Variants in LRSAM1 observed in about 807,000 individuals in gnomAD.
The protein encoded by LRSAM1 is E3 ubiquitin-protein ligase LRSAM1.
A neutral mutation model predicts 118.1 loss-of-function variants in LRSAM1; 96 were observed. That is an observed-to-expected ratio of 0.81 (90% CI 0.69 to 0.96). The LOEUF (loss-of-function observed/expected upper bound fraction) is 0.96, where lower values mean the gene tolerates loss of function less well. Ranked by LOEUF, LRSAM1 falls within the 40% of genes least tolerant of loss-of-function variation. LRSAM1 has a pLI of 0.00. For synonymous variants in LRSAM1, 322 were observed against 364.2 expected (o/e 0.88, Z 1.32); for missense variants, 804 against 915.5 (o/e 0.88, Z 1.57).
At chr9:127,464,765 C>T (rs1404917056) in intron 9 of LRSAM1, among the ~76,000 whole-genome samples, 2 of 151,856 alleles carry the variant, frequency 1.3e-5, no homozygotes, top group African/African-American at 4.8e-5. Context: ...TCCTCAGCCT[C>T]CCAAGAGACT....
intron 6 of LRSAM1, 134 bp from the exon 7 acceptor site, chr9:127,458,869 G>A: frequency 2.6e-6 from 2 of 778,460 alleles, no homozygotes; most frequent in South Asian, 1.4e-5. Flanking sequence ...TCAACACTGA[G>A]TGGGAAAGGA....
rs1038137882 is a variant in LRSAM1 at position 127,503,008 on chromosome 9, C to T, written c.*109C>T. 1.4e-6 allele frequency: 2 copies of T among 1,446,724 alleles called. No individual in the cohort carries two copies. Among genetic ancestry groups the T allele is most frequent in the Non-Finnish European group, 9.4e-7 (1 of 1,065,440 alleles). The allele number at this position is 1,446,724 out of a possible 1,614,324, so 89.6% of individuals were successfully genotyped here. A position where few individuals can be genotyped will look rare whatever the true frequency, so the allele number is the denominator to read the frequency against. ...AGACTCGTATGAGGCTCCCCCCTGCCCTGGGCCCCTTCCCCACTGCCCAGG... is the reference window on the plus strand; with the variant it reads ...AGACTCGTATGAGGCTCCCCCCTGCTCTGGGCCCCTTCCCCACTGCCCAGG... On this transcript the variant is annotated 3_prime_UTR_variant, in exon 26 of 26. Coordinates refer to ENST00000300417, the MANE Select transcript of LRSAM1 (RefSeq NM_001005373.4).
At position 127,487,759 on chromosome 9, in the gene LRSAM1, A is replaced by G. The variant is rs748826298; in HGVS notation, c.1343A>G (p.Gln448Arg). 1.2e-6 allele frequency: 2 copies of G among 1,612,546 alleles called. No individual in the cohort carries two copies. Among genetic ancestry groups the G allele is most frequent in the East Asian group, 2.2e-5 (1 of 44,872 alleles). ...DQNKAISQILQESAMQKAAFE... is the reference protein window; with the variant it reads ...DQNKAISQILRESAMQKAAFE... ...AACAAAGCCATCAGCCAGATCCTGC[A>G]GGAGGTGAGCCCTCGCCCAGAGCCT... The change falls in exon 18 of 26, where the codon CAG becomes CGG. Residue 448 changes from glutamine (Q) to arginine (R), a missense_variant. By Grantham distance (43) the Gln-to-Arg change is conservative. Transcript: ENST00000300417.
Position 127,492,912 on chromosome 9 carries a change from T to A in LRSAM1, c.1599+15T>A. 6.2e-7 allele frequency: 1 copy of A among 1,610,642 alleles called. No individual in the cohort carries two copies. Among genetic ancestry groups the A allele is most frequent in the Non-Finnish European group, 8.5e-7 (1 of 1,177,024 alleles). ...GGGAAATCCTGGTATGTGTTTGGCT[T>A]CTGTGCTCAGCATCACACAGGCATT... On this transcript the variant is annotated intron_variant, in intron 21 of 25. Transcript: ENST00000300417.
At chr9:127,480,028 C>T in intron 14 of LRSAM1, 50 bp downstream of exon 14, 2 of 1,613,348 alleles carry the variant, frequency 1.2e-6, no homozygotes, top group South Asian at 1.1e-5. Flanking sequence ...CCCGTGCAGT[C>T]CCCTGAGGAG....
intron 18 of LRSAM1, among the ~76,000 whole-genome samples, chr9:127,489,232 C>T (rs76703521): frequency 6.6e-6 from 1 of 152,270 alleles, no homozygotes; most frequent in East Asian, 1.9e-4. Flanking sequence ...ACTCAGGGTG[C>T]GATGCCGGAA....
intron 16 of LRSAM1, 82 bp from the exon 17 acceptor site, chr9:127,485,654 G>T: frequency 1.5e-6 from 2 of 1,320,568 alleles, no homozygotes; most frequent in Non-Finnish European, 2.2e-6. Flanking sequence ...CTCAGTTCCT[G>T]TGGAAATCCC....
At chr9:127,464,467 C>T (rs1316821322) in intron 9 of LRSAM1, among the ~76,000 whole-genome samples, 1 of 152,080 alleles carries the variant, frequency 6.6e-6, no homozygotes, top group Admixed American at 6.6e-5. Flanking sequence ...ATCTATGGAG[C>T]ACCTGGAATG....
chr9:127,496,022 A>G lies in LRSAM1; in HGVS notation c.1757A>G (p.Tyr586Cys), dbSNP rs768302528. The G allele has an allele frequency of 6.0e-5, 96 of 1,612,484 alleles. No individual in the cohort carries two copies. The highest frequency in any genetic ancestry group is 7.7e-5 in the Non-Finnish European group (91 of 1,179,978). ...ALLEELSAEH[Y>C]LPIFAHHRLS... ...CTGGAGGAGCTGTCGGCTGAGCACT[A>G]CCTGCCCATCTTTGCGCACCACCGC... The change falls in exon 23 of 26, where the codon TAC (tyrosine) becomes TGC (cysteine). Residue 586 changes from tyrosine (Y) to cysteine (C), a missense_variant. Transcript: ENST00000300417.
intron 6 of LRSAM1, 116 bp downstream of exon 6, chr9:127,457,509 A>T: frequency 1.1e-6 from 1 of 938,226 alleles, no homozygotes; most frequent in Non-Finnish European, 1.7e-6. Context: ...TCTACCAGTC[A>T]GTCTGGGATT....
chr9:127,472,674 A>G (rs1835216750), intron 10 of LRSAM1, among the ~76,000 whole-genome samples: 1 of 152,216 alleles, frequency 6.6e-6, no homozygotes, highest in East Asian at 1.9e-4. Flanking sequence ...ATAAAAATAA[A>G]CATTAAAGAA....
intron 21 of LRSAM1, 110 bp from the exon 22 acceptor site, chr9:127,495,210 C>A: frequency 2.0e-6 from 2 of 978,608 alleles, no homozygotes; most frequent in South Asian, 1.4e-5. Flanking sequence ...ACCTTGGCCC[C>A]CCAAAGTGCT....
At chr9:127,496,672 G>T (rs1836157732) in intron 23 of LRSAM1, among the ~76,000 whole-genome samples, 2 of 152,076 alleles carry the variant, frequency 1.3e-5, no homozygotes, top group South Asian at 4.1e-4. Flanking sequence ...CAATAACTTG[G>T]CCCAAGGTCA....
At position 127,479,054 on chromosome 9, in the gene LRSAM1, A is replaced by G. The variant is rs1835435030; in HGVS notation, c.780+91A>G. The G allele has an allele frequency of 1.7e-5, 24 of 1,402,660 alleles. No individual in the cohort carries two copies. The South Asian group carries it at 2.1e-4, about 12-fold the overall frequency. The allele number at this position is 1,402,660 out of a possible 1,614,324, so 86.9% of individuals were successfully genotyped here. A position where few individuals can be genotyped will look rare whatever the true frequency, so the allele number is the denominator to read the frequency against. On this transcript the variant is annotated intron_variant, in intron 12 of 25. Transcript: ENST00000300417. ...ATATTTGAGAAAATGACTTCTTCCC[A>G]GCTCAGAATTAGAGGTCACAGTAAT... is the stretch of plus-strand genomic sequence containing the variant.
At chr9:127,474,103 G>T (rs1302545628) in intron 11 of LRSAM1, among the ~76,000 whole-genome samples, 172 bp downstream of exon 11, 3 of 152,136 alleles carry the variant, frequency 2.0e-5, no homozygotes, top group African/African-American at 4.8e-5. Flanking sequence ...TTCAAGGCCT[G>T]CTGTGGCAGC....
intron 9 of LRSAM1, 39 bp from the exon 10 acceptor site, chr9:127,467,701 G>C (rs1025231131): frequency 2.2e-5 from 34 of 1,570,712 alleles, no homozygotes; most frequent in Non-Finnish European, 3.0e-5. Context: ...CGGTTGCGTT[G>C]GTAGCGAACA....
chr9:127,495,269 C>G (rs757370778), intron 21 of LRSAM1, 51 bp from the exon 22 acceptor site: 1 of 1,555,952 alleles, frequency 6.4e-7, no homozygotes, highest in Non-Finnish European at 8.9e-7. Context: ...ATTGTTATTA[C>G]AGGTTTTATT....
Position 127,465,805 on chromosome 9 carries a change from C to A in LRSAM1, c.529-1935C>A, listed in dbSNP as rs1385802325. On this transcript the variant is annotated intron_variant, in intron 9 of 25. Transcript: ENST00000300417. This position sits in a 1 kb window ranked among gnomAD's most constrained non-coding sequence, Gnocchi z 4.1. ...CTGCCAGCACTCTGGGATGAGAGGG[C>A]CTGTGGGAAGTCAGAGGTTGGCAGC... 6.6e-6 allele frequency among the ~76,000 whole-genome samples: 1 copy of A among 152,136 alleles called. No individual in the cohort carries two copies. Among genetic ancestry groups the A allele is most frequent in the East Asian group, 1.9e-4 (1 of 5,204 alleles).
chr9:127,489,775 T>C (rs1020885101), intron 19 of LRSAM1, among the ~76,000 whole-genome samples: 1 of 152,220 alleles, frequency 6.6e-6, no homozygotes, highest in East Asian at 1.9e-4. Context: ...CCACCACGCC[T>C]GGGCCAGGGA....
Sources: gnomAD v4.1 joint callset for allele counts (sites outside exome capture counted in the v4.1 genomes callset) on GRCh38, gnomAD v4.1.1 for gene constraint, Gnocchi (gnomAD v3.1) non-coding constraint, MANE v1.5 for transcripts, NCBI Gene and HGNC (gene_info 2026-07-23, HGNC 2026-07-21) for gene names.